Variants in KIF6 observed in about 807,000 individuals in gnomAD.
KIF6 encodes kinesin-like protein KIF6.
KIF6 carries 106 observed loss-of-function variants against 112.7 expected under a neutral mutation model. The ratio of observed to expected loss-of-function variants is 0.94; its 90% CI spans 0.80 to 1.11. The LOEUF is 1.11. Among genes scored for constraint, KIF6 ranks in the 50% least tolerant of loss-of-function variants. KIF6 has a pLI of 0.00. For missense variants in KIF6, 929 were observed against 964.0 expected (o/e 0.96, Z 0.48); for synonymous variants, 339 against 339.9 (o/e 1.00, Z 0.03).
chr6:39,580,532 C>T (rs1781228677), intron 9 of KIF6, among the ~76,000 whole-genome samples: 1 of 152,106 alleles, frequency 6.6e-6, no homozygotes, highest in East Asian at 1.9e-4. Context: ...TAAGACATTC[C>T]TGTCTTATTT....
chr6:39,367,124 T>C (rs925892828), intron 16 of KIF6, among the ~76,000 whole-genome samples: 5 of 152,080 alleles, frequency 3.3e-5, no homozygotes, highest in Non-Finnish European at 7.3e-5. Context: ...CTTGGTGAAA[T>C]GCATTGCAGC....
chr6:39,445,669 C>T (rs1006299409), intron 13 of KIF6, among the ~76,000 whole-genome samples: 8 of 152,092 alleles, frequency 5.3e-5, no homozygotes, highest in East Asian at 3.9e-4. Context: ...AGCAGAGAAG[C>T]GGGTGGTCAG....
Position 39,362,434 on chromosome 6 carries a change from C to A in KIF6, c.1946G>T (p.Arg649Met). 2 of 1,612,658 alleles carry A rather than the reference C, an allele frequency of 1.2e-6. No individual in the cohort carries two copies. The highest frequency in any genetic ancestry group is 1.7e-6 in the Non-Finnish European group (2 of 1,178,760). ...TGTGTGTGGCTAAAAGGAAGGGCAC[C>A]TTCTCTTTTCTTCCTCCAGTTGTGA... ...LRSQLEEEKR[R>M]YKTMFTRLKA... The change falls in exon 17 of 23, where the codon AGG (arginine) becomes ATG (methionine). Residue 649 changes from arginine (R) to methionine (M), a missense_variant and splice_region_variant. Coordinates refer to ENST00000287152, the MANE Select transcript of KIF6 (RefSeq NM_145027.6).
At chr6:39,626,633 A>T (rs1230004839) in intron 5 of KIF6, among the ~76,000 whole-genome samples, 2 of 152,176 alleles carry the variant, frequency 1.3e-5, no homozygotes, top group African/African-American at 4.8e-5. Flanking sequence ...AACTGGCATA[A>T]AATAAGTGCT....
chr6:39,688,120 A>C (rs1175411104), intron 3 of KIF6, among the ~76,000 whole-genome samples: 1 of 152,216 alleles, frequency 6.6e-6, no homozygotes, highest in Non-Finnish European at 1.5e-5. Context: ...AGTCTGGAGA[A>C]ACTGCCAATC....
At position 39,596,270 on chromosome 6, in the gene KIF6, A is replaced by T; in HGVS notation, c.640-10T>A. On this transcript the variant is annotated splice_polypyrimidine_tract_variant and intron_variant, in intron 6 of 22. Transcript: ENST00000287152. ...CTTGGTTCATAGGAGTCTATAAAAAAATTGCAAAACAAAAATTATTTGAAC... is the reference window on the plus strand; with the variant it reads ...CTTGGTTCATAGGAGTCTATAAAAATATTGCAAAACAAAAATTATTTGAAC... 1 of 1,593,858 alleles carries T rather than the reference A, an allele frequency of 6.3e-7. No individual in the cohort carries two copies. Among genetic ancestry groups the T allele is most frequent in the Non-Finnish European group, 8.6e-7 (1 of 1,165,584 alleles).
At position 39,714,736 on chromosome 6, in the gene KIF6, G is replaced by A; in HGVS notation, c.207C>T (p.Asn69=). The A allele has an allele frequency of 6.2e-7, 1 of 1,613,488 alleles. No homozygotes were observed. The highest frequency in any genetic ancestry group is 8.5e-7 in the Non-Finnish European group (1 of 1,179,570). Residue 69 remains asparagine, a synonymous_variant, in exon 3 of 23, where the codon AAC becomes AAT. Coordinates refer to ENST00000287152, the MANE Select transcript of KIF6 (RefSeq NM_145027.6). ...KFQRIFDQDA[N]QETVFENIAK... Reference sequence around the variant, plus strand: ...CAATGTTTTCAAAAACGGTCTCTTGGTTTGCATCCTGATCAAAAATTCTTT... The same window carrying A: ...CAATGTTTTCAAAAACGGTCTCTTGATTTGCATCCTGATCAAAAATTCTTT...
At chr6:39,621,418 C>T (rs2150735925) in intron 5 of KIF6, among the ~76,000 whole-genome samples, 1 of 152,324 alleles carries the variant, frequency 6.6e-6, no homozygotes, top group Non-Finnish European at 1.5e-5. Context: ...CAAACCTGGG[C>T]TGAGATCCTG....
At chr6:39,369,469 T>C (rs1765805628) in intron 16 of KIF6, among the ~76,000 whole-genome samples, 1 of 152,160 alleles carries the variant, frequency 6.6e-6, no homozygotes, top group Non-Finnish European at 1.5e-5. Context: ...TTTATTACAA[T>C]CAGAAACGTG....
chr6:39,626,145 G>A (rs1276600272), intron 5 of KIF6, among the ~76,000 whole-genome samples: 1 of 152,136 alleles, frequency 6.6e-6, no homozygotes, highest in Non-Finnish European at 1.5e-5. Context: ...ATTGAAATCA[G>A]TTTCCCCTCT....
chr6:39,396,767 A>T (rs527966620), intron 15 of KIF6, among the ~76,000 whole-genome samples: 1 of 152,334 alleles, frequency 6.6e-6, no homozygotes, highest in East Asian at 1.9e-4. Context: ...TTGTAGGTGC[A>T]CAATGAGTGG....
chr6:39,382,925 T>C (rs1347233335), intron 16 of KIF6, among the ~76,000 whole-genome samples: 1 of 126,958 alleles, frequency 7.9e-6, no homozygotes, highest in African/African-American at 3.7e-5. Context: ...ATTACTGATG[T>C]TGAACATTGT....
intron 3 of KIF6, among the ~76,000 whole-genome samples, chr6:39,670,701 T>G (rs577561238): frequency 6.6e-6 from 1 of 152,180 alleles, no homozygotes; most frequent in Non-Finnish European, 1.5e-5. Context: ...TTTGGTTTAT[T>G]GACTTTAGGG....
intron 3 of KIF6, among the ~76,000 whole-genome samples, chr6:39,645,516 A>T (rs1413758421): frequency 6.6e-6 from 1 of 152,176 alleles, no homozygotes; most frequent in African/African-American, 2.4e-5. Flanking sequence ...CAACTTGATC[A>T]TGGTGGATAA....
chr6:39,583,276 A>C (rs1781399121), intron 9 of KIF6: 1 of 397,516 alleles, frequency 2.5e-6, no homozygotes, highest in South Asian at 1.9e-5. Flanking sequence ...GTAATGCTAT[A>C]GGGCTTCTGG....
chr6:39,714,608 T>C, intron 3 of KIF6, 84 bp downstream of exon 3: 1 of 884,582 alleles, frequency 1.1e-6, no homozygotes, highest in South Asian at 1.4e-5. Context: ...ATTGATACAC[T>C]TAAGCACACT....
intron 10 of KIF6, among the ~76,000 whole-genome samples, chr6:39,551,793 T>A (rs1379784503): frequency 6.6e-6 from 1 of 152,230 alleles, no homozygotes; most frequent in African/African-American, 2.4e-5. Flanking sequence ...ATTGGTTGAA[T>A]GATCTTCATT....
chr6:39,434,201 G>A (rs1186601845), intron 13 of KIF6, among the ~76,000 whole-genome samples: 1 of 152,156 alleles, frequency 6.6e-6, no homozygotes, highest in Non-Finnish European at 1.5e-5. Flanking sequence ...ATGTGACAGA[G>A]ATGTAAAGTT....
chr6:39,505,336 T>A (rs1032519364), intron 13 of KIF6, among the ~76,000 whole-genome samples: 1 of 152,080 alleles, frequency 6.6e-6, no homozygotes, highest in South Asian at 2.1e-4. Context: ...TTACACCACA[T>A]ACAAAAATCA....
Sources: gnomAD v4.1 joint callset for allele counts (sites outside exome capture counted in the v4.1 genomes callset) on GRCh38, gnomAD v4.1.1 for gene constraint, MANE v1.5 for transcripts, NCBI Gene and HGNC (gene_info 2026-07-23, HGNC 2026-07-21) for gene names.